TFEC: variants seen among roughly 807,000 people sequenced by gnomAD.
TFEC encodes transcription factor EC, also known as class E basic helix-loop-helix protein 34.
A neutral mutation model predicts 41.6 loss-of-function variants in TFEC; 31 were observed. That is an observed-to-expected ratio of 0.74 (90% confidence interval 0.56 to 1.01). The LOEUF (loss-of-function observed/expected upper bound fraction) is 1.01. Among genes scored for constraint, TFEC ranks in the 50% least tolerant of loss-of-function variants. The pLI is 0.00. For synonymous variants in TFEC, 143 were observed against 140.6 expected, an observed-to-expected ratio of 1.02 and a Z score of -0.12; for missense variants, 402 against 404.1, an observed-to-expected ratio of 0.99 and a Z score of 0.04.
At position 115,950,897 on chromosome 7, in the gene TFEC, A is replaced by T. The variant is rs143932951; in HGVS notation, c.492T>A (p.Thr164=). Residue 164 remains threonine, a synonymous_variant, in exon 6 of 8, where the codon ACT becomes ACA. Coordinates refer to ENST00000265440, the MANE Select transcript of TFEC (RefSeq NM_012252.4). ...ACGGATCATTAGACTTTGGAATAAG[A>T]GTGCCAAGCTCCTTGATTCGGTAAT... ...NINYRIKELG[T]LIPKSNDPDM... is the part of the protein sequence containing the mutation. 1.9e-6 allele frequency: 3 copies of T among 1,604,804 alleles called. No homozygotes were observed. Among genetic ancestry groups the T allele is most frequent in the Non-Finnish European group, 2.6e-6 (3 of 1,175,152 alleles).
chr7:116,054,353 T>C (rs1796380799), intron 3 of TFEC, among the ~76,000 whole-genome samples: 2 of 152,146 alleles, frequency 1.3e-5, no homozygotes, highest in African/African-American at 4.8e-5. Context: ...ATATTTGGAA[T>C]GATAAGTTCT....
At chr7:116,119,077 A>G (rs1462242254) in intron 1 of TFEC, among the ~76,000 whole-genome samples, 2 of 151,962 alleles carry the variant, frequency 1.3e-5, no homozygotes, top group Non-Finnish European at 2.9e-5. Flanking sequence ...TAGAAAGTCA[A>G]TGAAAAATGA....
chr7:116,040,034 G>C (rs73448929), intron 3 of TFEC, among the ~76,000 whole-genome samples: 3,118 of 152,150 alleles, frequency 0.02, 93 homozygotes, highest in African/African-American at 0.069. Context: ...CCTGGACAAA[G>C]AGAGAGAGAC....
At chr7:115,949,638 G>T (rs982303307) in intron 6 of TFEC, among the ~76,000 whole-genome samples, 24 of 151,920 alleles carry the variant, frequency 1.6e-4, no homozygotes, top group African/African-American at 5.6e-4. Context: ...GGGAAAACTG[G>T]CTAGCCATAT....
At chr7:116,113,787 T>G in intron 1 of TFEC, among the ~76,000 whole-genome samples, 1 of 152,038 alleles carries the variant, frequency 6.6e-6, no homozygotes, top group East Asian at 1.9e-4. Flanking sequence ...AACATAAACT[T>G]AATCTTTCCC....
chr7:115,986,848 T>C (rs902355387), intron 1 of TFEC, among the ~76,000 whole-genome samples: 1 of 151,866 alleles, frequency 6.6e-6, no homozygotes. Flanking sequence ...ACATGGCACA[T>C]GTATACATAT....
chr7:115,947,743 G>A (rs532394162), intron 6 of TFEC, among the ~76,000 whole-genome samples: 2,556 of 138,802 alleles, frequency 0.018, 52 homozygotes, highest in South Asian at 0.038. Flanking sequence ...TGTTCATGTC[G>A]TTCACCCACT....
intron 3 of TFEC, among the ~76,000 whole-genome samples, chr7:116,075,901 C>T (rs2131038601): frequency 6.6e-6 from 1 of 152,268 alleles, no homozygotes; most frequent in Admixed American, 6.5e-5. Flanking sequence ...AAGTTTGCAT[C>T]CTCCCTGTAA....
chr7:115,996,530 C>T (rs1423623674), intron 1 of TFEC, among the ~76,000 whole-genome samples: 1 of 151,828 alleles, frequency 6.6e-6, no homozygotes, highest in African/African-American at 2.4e-5. Context: ...GGGAGAGACT[C>T]CTTCTGCTTG....
intron 1 of TFEC, among the ~76,000 whole-genome samples, chr7:115,988,166 C>CA (rs565646106): frequency 5.3e-5 from 8 of 151,616 alleles, no homozygotes; most frequent in Non-Finnish European, 7.4e-5. Flanking sequence ...TCCTGCCTAT[C>CA]AAAAAAAATT....
At chr7:116,036,756 A>T (rs979735369) in intron 3 of TFEC, among the ~76,000 whole-genome samples, 7 of 152,070 alleles carry the variant, frequency 4.6e-5, no homozygotes, top group Admixed American at 6.6e-5. Flanking sequence ...TTAATCCATA[A>T]TAAAAAAAGT....
intron 1 of TFEC, among the ~76,000 whole-genome samples, chr7:116,016,945 A>AG (rs1795214932): frequency 6.6e-6 from 1 of 151,998 alleles, no homozygotes; most frequent in African/African-American, 2.4e-5. Flanking sequence ...TTCAGAAACT[A>AG]GTCTTCCTTT....
intron 3 of TFEC, among the ~76,000 whole-genome samples, chr7:115,968,686 T>C (rs1792987250): frequency 1.3e-5 from 2 of 151,842 alleles, no homozygotes; most frequent in African/African-American, 4.8e-5. Flanking sequence ...ATAAGATCTG[T>C]CTCAGACCCC....
chr7:116,058,755 T>C (rs1323077547), intron 3 of TFEC, among the ~76,000 whole-genome samples: 1 of 151,738 alleles, frequency 6.6e-6, no homozygotes, highest in Non-Finnish European at 1.5e-5. Flanking sequence ...TCGCCAAATA[T>C]TTAGAGCAAA....
chr7:116,134,107 C>G (rs958693737), intron 1 of TFEC, among the ~76,000 whole-genome samples: 1 of 152,070 alleles, frequency 6.6e-6, no homozygotes, highest in Non-Finnish European at 1.5e-5. Flanking sequence ...AGGATGTCAA[C>G]TTAAATGTGT....
chr7:116,089,582 T>C (rs552577915), intron 3 of TFEC, among the ~76,000 whole-genome samples: 3 of 152,046 alleles, frequency 2.0e-5, no homozygotes, highest in African/African-American at 7.2e-5. Flanking sequence ...TAGAAACACA[T>C]AAGCAAGTGA....
chr7:116,088,188 G>A (rs911195886), intron 3 of TFEC, among the ~76,000 whole-genome samples: 1 of 151,992 alleles, frequency 6.6e-6, no homozygotes, highest in African/African-American at 2.4e-5. Context: ...GCTTGGGGAA[G>A]CATTCTCTAA....
chr7:116,061,044 C>G (rs939924394), intron 3 of TFEC, among the ~76,000 whole-genome samples: 5 of 151,948 alleles, frequency 3.3e-5, no homozygotes, highest in Admixed American at 3.3e-4. Flanking sequence ...TCAAAAAATT[C>G]AAAACTTGAT....
intron 2 of TFEC, among the ~76,000 whole-genome samples, chr7:115,979,950 T>C (rs1793552278): frequency 6.6e-6 from 1 of 152,164 alleles, no homozygotes; most frequent in South Asian, 2.1e-4. Flanking sequence ...TTAACCTCAA[T>C]TCTTTCCCTC....
Sources: allele counts gnomAD v4.1 joint callset (sites outside exome capture counted in the v4.1 genomes callset), GRCh38; gene constraint gnomAD v4.1.1; transcripts MANE v1.5; gene names NCBI Gene and HGNC (gene_info 2026-07-23, HGNC 2026-07-21).